The following ARHGEF11 variants were observed in gnomAD, a reference collection of about 807,000 sequenced individuals.
ARHGEF11 encodes the protein Rho guanine exchange factor (GEF) 11.
ARHGEF11 carries 55 observed loss-of-function variants against 193.7 expected under a neutral mutation model. The observed-to-expected ratio is 0.28, with a 90% CI of 0.23 to 0.36. The LOEUF (loss-of-function observed/expected upper bound fraction) is 0.36, where lower values mean the gene tolerates loss of function less well. ARHGEF11 is among the 10% of genes least tolerant of loss of function. The pLI, the probability that ARHGEF11 is intolerant of heterozygous loss-of-function variation, is 1.00. For missense variants in ARHGEF11, 1,723 were observed against 2,005.6 expected (o/e 0.86, Z 2.69); for synonymous variants, 693 against 768.0 (o/e 0.90, Z 1.62).
At chr1:157,044,267 A>G (rs1288241719) in intron 1 of ARHGEF11, 32 bp downstream of exon 1, 6 of 1,606,306 alleles carry the variant, frequency 3.7e-6, no homozygotes, top group Non-Finnish European at 5.1e-6. Flanking sequence ...CCTTTAGTCA[A>G]TGTTGAAAAA....
chr1:156,974,889 A>G (rs1021659075), intron 7 of ARHGEF11, among the ~76,000 whole-genome samples: 5 of 152,198 alleles, frequency 3.3e-5, no homozygotes, highest in African/African-American at 1.2e-4. Context: ...TGAACAGACT[A>G]TATTTTGCTT....
chr1:156,978,521 C>G, intron 5 of ARHGEF11, 139 bp from the exon 6 acceptor site: 1 of 1,350,628 alleles, frequency 7.4e-7, no homozygotes, highest in East Asian at 2.7e-5. Flanking sequence ...ACTTTTAATG[C>G]CCCACCCATT....
At chr1:157,025,737 A>T (rs959238102) in intron 1 of ARHGEF11, among the ~76,000 whole-genome samples, 1 of 152,166 alleles carries the variant, frequency 6.6e-6, no homozygotes, top group African/African-American at 2.4e-5. Context: ...GCTAAGTTAT[A>T]TCAGAAGGGG....
At position 156,948,172 on chromosome 1, in the gene ARHGEF11, A is replaced by G. The variant is rs770799046; in HGVS notation, c.2153+9T>C. 1.3e-6 allele frequency: 2 copies of G among 1,559,084 alleles called. No homozygotes were observed. The highest frequency in any genetic ancestry group is 1.7e-6 in the Non-Finnish European group (2 of 1,150,718). Reference sequence around the variant, plus strand: ...ACCAAACAGAGGCACCACCGTGCCCATCACTTACCTGCGGCCCATTTTGGG... The same window carrying G: ...ACCAAACAGAGGCACCACCGTGCCCGTCACTTACCTGCGGCCCATTTTGGG... On this transcript the variant is annotated intron_variant, in intron 24 of 40. Coordinates refer to ENST00000368194, the MANE Select transcript of ARHGEF11 (RefSeq NM_198236.3). The surrounding 1 kb of genome is among the most constrained non-coding windows in gnomAD (Gnocchi z 4.2).
intron 22 of ARHGEF11, among the ~76,000 whole-genome samples, chr1:156,950,553 T>A (rs753555381): frequency 6.6e-6 from 1 of 152,022 alleles, no homozygotes; most frequent in Non-Finnish European, 1.5e-5. Context: ...GGTGGGAGGA[T>A]CCCTTGAACC....
chr1:156,943,975 C>A lies in ARHGEF11; in HGVS notation c.3195G>T (p.Val1065=). The change falls in exon 32 of 41, where the codon GTG becomes GTT. Residue 1065 remains valine (V), a synonymous_variant. Coordinates refer to ENST00000368194, the MANE Select transcript of ARHGEF11 (RefSeq NM_198236.3). ...GGATGAGCACAGCATTGAGCTTGAGCACGGGGCTGAAGGTCTGCTTGCTGT... is the reference window on the plus strand; with the variant it reads ...GGATGAGCACAGCATTGAGCTTGAGAACGGGGCTGAAGGTCTGCTTGCTGT... ...SSDSKQTFSP[V]LKLNAVLIRS... is the part of the protein sequence containing the mutation. 6.2e-7 allele frequency: 1 copy of A among 1,614,124 alleles called. No individual in the cohort carries two copies. Among genetic ancestry groups the A allele is most frequent in the Non-Finnish European group, 8.5e-7 (1 of 1,179,990 alleles).
In ARHGEF11 at chr1:156,942,667, G is replaced by C. The variant is rs746947972; in HGVS notation, c.3326+23C>G. On this transcript the variant is annotated intron_variant, in intron 33 of 40. Coordinates refer to ENST00000368194, the MANE Select transcript of ARHGEF11 (RefSeq NM_198236.3). ...GGTCCGAAAGGGACCACAGTTACGGGTAACCCCTCAATCAATTCTCACGTG... is the reference window on the plus strand; with the variant it reads ...GGTCCGAAAGGGACCACAGTTACGGCTAACCCCTCAATCAATTCTCACGTG... 5.0e-6 allele frequency: 8 copies of C among 1,607,906 alleles called. No individual in the cohort carries two copies. The African/African-American group carries it at 1.1e-4, about 21-fold the overall frequency.
At chr1:157,036,896 C>T (rs896861540) in intron 1 of ARHGEF11, among the ~76,000 whole-genome samples, 3 of 151,868 alleles carry the variant, frequency 2.0e-5, no homozygotes, top group South Asian at 2.1e-4. Context: ...GAGGTGGAGG[C>T]GGGCGGATCA....
rs1389217627 is a variant in ARHGEF11 at position 157,035,834 on chromosome 1, AAT to A, written c.32+8463_32+8464del. 1.3e-4 allele frequency among the ~76,000 whole-genome samples: 17 copies of A among 131,816 alleles called. 1 individual carries two copies. Among genetic ancestry groups the A allele is most frequent in the African/African-American group, 2.8e-5 (1 of 36,338 alleles). The allele number at this position is 131,816 out of a possible 152,430, so 86.5% of individuals were successfully genotyped here. ...TATATATATAGGAATATATATATGG[AAT>A]ATATATATGTATATATTTAGGAATA... On this transcript the variant is annotated intron_variant, in intron 1 of 40. Coordinates refer to ENST00000368194, the MANE Select transcript of ARHGEF11 (RefSeq NM_198236.3).
chr1:157,017,663 C>T (rs555684701), intron 1 of ARHGEF11, among the ~76,000 whole-genome samples: 8 of 143,884 alleles, frequency 5.6e-5, no homozygotes, highest in African/African-American at 2.1e-4. Context: ...GCCAAGACCG[C>T]GCCACTGTGC....
upstream of ARHGEF11, among the ~76,000 whole-genome samples, chr1:157,045,947 C>A (rs1158132302): frequency 6.6e-6 from 1 of 150,716 alleles, no homozygotes; most frequent in East Asian, 2.0e-4. Flanking sequence ...CCCCTCACGC[C>A]GCGGCGGCCG....
At chr1:157,040,707 C>T (rs1487586824) in intron 1 of ARHGEF11, among the ~76,000 whole-genome samples, 1 of 152,108 alleles carries the variant, frequency 6.6e-6, no homozygotes, top group Non-Finnish European at 1.5e-5. Flanking sequence ...TTTCAGTCAC[C>T]TTGTTTTGTT....
chr1:156,956,796 C>G (rs1037556976), intron 18 of ARHGEF11, among the ~76,000 whole-genome samples: 1 of 152,132 alleles, frequency 6.6e-6, no homozygotes, highest in African/African-American at 2.4e-5. Flanking sequence ...AGACTTTTCC[C>G]AGGAGAAGTC....
chr1:156,942,126 G>A, intron 33 of ARHGEF11, 137 bp from the exon 34 acceptor site: 2 of 1,249,310 alleles, frequency 1.6e-6, no homozygotes, highest in Non-Finnish European at 2.2e-6. Context: ...TCCCTGTACA[G>A]TCCTCCCTGG....
intron 13 of ARHGEF11, 133 bp downstream of exon 13, chr1:156,963,070 T>C: frequency 1.5e-6 from 1 of 687,146 alleles, no homozygotes; most frequent in Non-Finnish European, 2.5e-6. Context: ...CTTGGCTATT[T>C]TGTCTGTCCT....
chr1:156,940,558 T>C, intron 35 of ARHGEF11, 133 bp from the exon 36 acceptor site: 2 of 720,012 alleles, frequency 2.8e-6, no homozygotes, highest in Admixed American at 6.2e-5. Flanking sequence ...GAACTTCCCA[T>C]GGCCAGCACT....
chr1:156,970,225 T>C (rs1184934423), intron 8 of ARHGEF11, among the ~76,000 whole-genome samples, 182 bp from the exon 9 acceptor site: 1 of 152,230 alleles, frequency 6.6e-6, no homozygotes. Context: ...CAATGACCCC[T>C]AATGGTGGAA....
Position 156,941,951 on chromosome 1 carries a change from G to T in ARHGEF11, c.3365C>A (p.Thr1122Asn), listed in dbSNP as rs1454786053. The T allele has an allele frequency of 8.1e-6, 13 of 1,614,098 alleles. No homozygotes were observed. The highest frequency in any genetic ancestry group is 1.1e-5 in the Non-Finnish European group (13 of 1,180,004). ...ELLEEAVRNA[T>N]RHPGAAPMPV... is the part of the protein sequence containing the mutation. The stretch of plus-strand genomic sequence containing the variant: ...CATTGGGGCAGCTCCGGGGTGCCTG[G>T]TGGCATTCCGCACGGCCTCTTCTAA... Residue 1122 changes from threonine to asparagine, a missense_variant, in exon 34 of 41, where the codon ACC becomes AAC. Coordinates refer to ENST00000368194, the MANE Select transcript of ARHGEF11 (RefSeq NM_198236.3).
chr1:156,984,271 G>T, intron 3 of ARHGEF11, 68 bp downstream of exon 3: 2 of 1,247,746 alleles, frequency 1.6e-6, no homozygotes, highest in Non-Finnish European at 1.1e-6. Context: ...CAGGTAGAAT[G>T]GCACTGTCAC....
Sources: allele counts gnomAD v4.1 joint callset (sites outside exome capture counted in the v4.1 genomes callset), GRCh38; gene constraint gnomAD v4.1.1; non-coding constraint Gnocchi (gnomAD v3.1); transcripts MANE v1.5; gene names NCBI Gene and HGNC (gene_info 2026-07-23, HGNC 2026-07-21).